MYO15A: variants seen among roughly 807,000 people sequenced by gnomAD.
The protein encoded by MYO15A is unconventional myosin-XV.
A neutral mutation model predicts 394.6 loss-of-function variants in MYO15A; 308 were observed. The ratio of observed to expected loss-of-function variants is 0.78; its 90% confidence interval spans 0.71 to 0.86. The LOEUF is 0.86. MYO15A is among the 40% of genes least tolerant of loss of function. The pLI is 0.00. For synonymous variants in MYO15A, 1,957 were observed against 2,003.8 expected, an observed-to-expected ratio of 0.98 and a Z score of 0.62; for missense variants, 4,606 against 4,799.1, an observed-to-expected ratio of 0.96 and a Z score of 1.19.
chr17:18,125,298 G>C, intron 4 of MYO15A, 67 bp downstream of exon 4: 3 of 1,477,992 alleles, frequency 2.0e-6, no homozygotes, highest in Non-Finnish European at 2.8e-6. Flanking sequence ...GGGGCCGGGT[G>C]GGACGCACAG....
chr17:18,151,468 C>G lies in MYO15A; in HGVS notation c.7728C>G (p.Ile2576Met), dbSNP rs775174169. 5 of 1,614,204 alleles carry G rather than the reference C, an allele frequency of 3.1e-6. No homozygotes were observed. Among genetic ancestry groups the G allele is most frequent in the Non-Finnish European group, 4.2e-6 (5 of 1,180,042 alleles). Residue 2576 changes from isoleucine (I) to methionine (M), a missense_variant, in exon 40 of 66, where the codon ATC becomes ATG. Ile to Met is a conservative substitution (Grantham distance 10). Around this residue, in one of 2 missense-constraint regions of MYO15A, gnomAD observed 2,776 missense variants for 3,109.3 expected, o/e 0.89. Coordinates refer to ENST00000647165, the MANE Select transcript of MYO15A (RefSeq NM_016239.4). ...ACTTCCCACAGCCCACACAGCAGAT[C>G]AAGAATATTGTCAGGCAGTACCAGC... ...SEHFPQPTQQ[I>M]KNIVRQYQQP...
chr17:18,138,774 C>G (rs767861673), intron 17 of MYO15A, 37 bp from the exon 18 acceptor site: 3 of 1,611,094 alleles, frequency 1.9e-6, no homozygotes, highest in Non-Finnish European at 2.5e-6. Flanking sequence ...GGTGTCCAGG[C>G]CTCCTGCCCA....
chr17:18,120,814 T>G lies in MYO15A; in HGVS notation c.2014T>G (p.Ser672Ala), dbSNP rs973362601. 3.3e-6 allele frequency: 4 copies of G among 1,230,164 alleles called. No homozygotes were observed. In the African/African-American group the frequency reaches 6.6e-5, roughly 20 times the overall value. The allele number at this position is 1,230,164 out of a possible 1,614,324, so 76.2% of individuals were successfully genotyped here. A position where few individuals can be genotyped will look rare whatever the true frequency, so the allele number is the denominator to read the frequency against. The change falls in exon 2 of 66, where the codon TCC becomes GCC. Residue 672 changes from serine to alanine, a missense_variant. Transcript: ENST00000647165. The stretch of plus-strand genomic sequence containing the variant: ...GCCCGTGCCCCCGCGGCCCCCAAGC[T>G]CCGGGCCCCCGCCCGCGCCGCCGCT... ...SPPVPPRPPS[S>A]GPPPAPPLSP...
intron 14 of MYO15A, 44 bp downstream of exon 14, chr17:18,136,519 C>T (rs1055621148): frequency 1.7e-5 from 27 of 1,613,732 alleles, no homozygotes; most frequent in African/African-American, 2.7e-5. Flanking sequence ...GGCCCAGCAC[C>T]CCACCACGGT....
At position 18,113,797 on chromosome 17, in the gene MYO15A, GACAC is replaced by G. The variant is rs4025536; in HGVS notation, c.-219-4744_-219-4741del. 9.9e-3 allele frequency among the ~76,000 whole-genome samples: 1,380 copies of G among 138,892 alleles called. 5 individuals are homozygous for G. Among genetic ancestry groups the G allele is most frequent in the African/African-American group, 0.02 (704 of 35,154 alleles). 91.1% of individuals were successfully genotyped at this position (138,892 alleles called of 152,430 possible). On this transcript the variant is annotated intron_variant, in intron 1 of 65. Coordinates refer to ENST00000647165, the MANE Select transcript of MYO15A (RefSeq NM_016239.4). ...AACTTATATTCTTAGCACCTCCCCT[GACAC>G]ACACACACACACACACACACACACA...
Position 18,157,876 on chromosome 17 carries a change from A to C in MYO15A, c.8943A>C (p.Ala2981=), listed in dbSNP as rs771077215. The C allele has an allele frequency of 5.3e-6, 7 of 1,318,648 alleles. No homozygotes were observed. Among genetic ancestry groups the C allele is most frequent in the South Asian group, 1.2e-5 (1 of 81,866 alleles). The allele number at this position is 1,318,648 out of a possible 1,614,324, so 81.7% of individuals were successfully genotyped here. A position where few individuals can be genotyped will look rare whatever the true frequency, so the allele number is the denominator to read the frequency against. ...VAAAVASAAA[A]QEVGRRREGP... ...CTGCTGTGGCCTCTGCAGCCGCTGC[A>C]CAGGAGGTGGGCCGCAGGAGAGAGG... The change falls in exon 51 of 66, where the codon GCA becomes GCC. Residue 2981 remains alanine (A), a synonymous_variant. Transcript: ENST00000647165.
At chr17:18,140,418 A>G in intron 19 of MYO15A, 99 bp from the exon 20 acceptor site, 1 of 1,529,276 alleles carries the variant, frequency 6.5e-7, no homozygotes. Flanking sequence ...TAGTCTTCAG[A>G]TCCCCCTGGT....
intron 8 of MYO15A, 46 bp downstream of exon 8, chr17:18,130,856 G>GTGTGTGTGTGTT: frequency 6.5e-7 from 1 of 1,541,838 alleles, no homozygotes; most frequent in Non-Finnish European, 8.9e-7. Context: ...GTGTGTGTGT[G>GTGTGTGTGTGTT]TGTGTGTGTG....
In MYO15A at chr17:18,175,292, CT is replaced by C. The variant is rs1182500584; in HGVS notation, c.10491+1387del. Among the ~76,000 whole-genome samples the C allele has an allele frequency of 2.2e-3, 203 of 91,266 alleles. 6 individuals carry two copies. The highest frequency in any genetic ancestry group is 0.011 in the Middle Eastern group (1 of 92). 59.9% of individuals were successfully genotyped at this position (91,266 alleles called of 152,430 possible). On this transcript the variant is annotated intron_variant, in intron 65 of 65. Coordinates refer to ENST00000647165, the MANE Select transcript of MYO15A (RefSeq NM_016239.4). ...TCTGGTCTTTCCTCCTCTAGACTAT[CT>C]TTTTTTTTTTTTTTTGAGGCAAAGT...
intron 4 of MYO15A, chr17:18,125,578 C>G (rs1486165488): frequency 1.3e-5 from 4 of 316,570 alleles, no homozygotes; most frequent in African/African-American, 8.6e-5. Flanking sequence ...GTGGTGCATG[C>G]CTGTAGTCCC....
At position 18,161,313 on chromosome 17, in the gene MYO15A, G is replaced by T; in HGVS notation, c.9387-4G>T. On this transcript the variant is annotated splice_region_variant and splice_polypyrimidine_tract_variant and intron_variant, in intron 56 of 65. Coordinates refer to ENST00000647165, the MANE Select transcript of MYO15A (RefSeq NM_016239.4). ...TCTGCTGTAGCCCCCATGTGTCCTT[G>T]CAGGGACAGCTGCCAGCGAGGCTGG... The T allele has an allele frequency of 6.2e-7, 1 of 1,613,660 alleles. No individual in the cohort carries two copies. Among genetic ancestry groups the T allele is most frequent in the Non-Finnish European group, 8.5e-7 (1 of 1,179,978 alleles).
Position 18,159,653 on chromosome 17 carries a change from C to G in MYO15A, c.9277C>G (p.Leu3093Val), listed in dbSNP as rs752930251. The change falls in exon 55 of 66, where the codon CTG (leucine) becomes GTG (valine). Residue 3093 changes from leucine (L) to valine (V), a missense_variant. Leu to Val is a conservative substitution (Grantham distance 32). Around this residue, in one of 2 missense-constraint regions of MYO15A, gnomAD observed 2,776 missense variants for 3,109.3 expected, o/e 0.89. Coordinates refer to ENST00000647165, the MANE Select transcript of MYO15A (RefSeq NM_016239.4). ...GDAPLKGQSD[L>V]DVLCNLLKLC... ...TGCCCCACTGAAGGGCCAGAGTGAC[C>G]TGGACGTGCTTTGTAACCTCCTGAA... The G allele has an allele frequency of 1.2e-6, 2 of 1,614,020 alleles. No homozygotes were observed. The highest frequency in any genetic ancestry group is 2.7e-5 in the African/African-American group (2 of 74,900).
At chr17:18,174,308 C>T (rs1247830730) in intron 65 of MYO15A, among the ~76,000 whole-genome samples, 2 of 152,090 alleles carry the variant, frequency 1.3e-5, no homozygotes, top group African/African-American at 4.8e-5. Context: ...ATGTTTGTAG[C>T]AACTGTGGCT....
chr17:18,114,773 G>A (rs1296829298), intron 1 of MYO15A, among the ~76,000 whole-genome samples: 2 of 152,092 alleles, frequency 1.3e-5, no homozygotes, highest in East Asian at 3.9e-4. Context: ...ACTCCCTCCT[G>A]GGCCTCTACC....
intron 54 of MYO15A, 55 bp downstream of exon 54, chr17:18,159,402 G>C: frequency 6.3e-7 from 1 of 1,594,132 alleles, no homozygotes; most frequent in Non-Finnish European, 8.6e-7. Context: ...CCAGCACTGT[G>C]TGATCTCTAC....
chr17:18,141,812 TG>T (rs751165972), intron 23 of MYO15A, 42 bp downstream of exon 23: 20 of 1,592,992 alleles, frequency 1.3e-5, no homozygotes, highest in South Asian at 4.4e-5. Flanking sequence ...ACCCCAAGTT[TG>T]GGGGGGTCCA....
In MYO15A at chr17:18,119,722, G is replaced by A. The variant is rs1326631616; in HGVS notation, c.922G>A (p.Gly308Ser). ...TGATCCGGGGTACACCTACGGCTAC[G>A]GCTACGACGATTACGAACCCCCATA... ...PFDPGYTYGY[G>S]YDDYEPPYAP... The change falls in exon 2 of 66, where the codon GGC (glycine) becomes AGC (serine). Residue 308 changes from glycine (G) to serine (S), a missense_variant. Gly to Ser is a moderately conservative substitution (Grantham distance 56). Coordinates refer to ENST00000647165, the MANE Select transcript of MYO15A (RefSeq NM_016239.4). The A allele has an allele frequency of 1.9e-6, 3 of 1,611,936 alleles. No homozygotes were observed. Among genetic ancestry groups the A allele is most frequent in the African/African-American group, 1.3e-5 (1 of 74,870 alleles).
chr17:18,167,863 T>C (rs888636331), intron 62 of MYO15A, 140 bp downstream of exon 62: 207 of 1,352,690 alleles, frequency 1.5e-4, no homozygotes, highest in Non-Finnish European at 2.0e-4. Context: ...GGGAAGGGGC[T>C]GTCCTTGCCT....
At chr17:18,149,140 C>A (rs1303110799) in intron 33 of MYO15A, 76 bp from the exon 34 acceptor site, 36 of 1,581,482 alleles carry the variant, frequency 2.3e-5, no homozygotes, top group Non-Finnish European at 3.0e-5. Flanking sequence ...CACTGAATAC[C>A]AGGGTGCAGA....
Sources: gnomAD v4.1 joint callset for allele counts (sites outside exome capture counted in the v4.1 genomes callset) on GRCh38, gnomAD v4.1.1 for gene constraint, gnomAD v4.1.1 regional missense constraint, MANE v1.5 for transcripts, NCBI Gene and HGNC (gene_info 2026-07-23, HGNC 2026-07-21) for gene names.